Variants in GRIK4 observed in about 807,000 individuals in gnomAD.
The protein encoded by GRIK4 is glutamate receptor ionotropic, kainate 4.
Under a neutral mutation model 104.9 loss-of-function variants are expected in GRIK4, and 40 were observed. The ratio of observed to expected loss-of-function variants is 0.38; its 90% confidence interval spans 0.30 to 0.50. The LOEUF (loss-of-function observed/expected upper bound fraction) is 0.50. GRIK4 is among the 20% of genes least tolerant of loss of function. The pLI, the probability that GRIK4 is intolerant of heterozygous loss-of-function variation, is 0.93. For synonymous variants in GRIK4, 485 were observed against 524.9 expected, an observed-to-expected ratio of 0.92 and a Z score of 1.04; for missense variants, 1,047 against 1,308.1, an observed-to-expected ratio of 0.80 and a Z score of 3.08.
intron 1 of GRIK4, among the ~76,000 whole-genome samples, chr11:120,602,169 G>T (rs1033673662): frequency 6.6e-6 from 1 of 152,170 alleles, no homozygotes; most frequent in Non-Finnish European, 1.5e-5. Context: ...AGCCAGCTCC[G>T]TAGATTGCCC....
intron 1 of GRIK4, among the ~76,000 whole-genome samples, chr11:120,651,302 T>C (rs1402499986): frequency 1.3e-5 from 2 of 152,204 alleles, no homozygotes; most frequent in South Asian, 4.1e-4. Context: ...TCTGCAGTTT[T>C]ACAGTTGTGG....
intron 3 of GRIK4, among the ~76,000 whole-genome samples, chr11:120,703,669 A>G (rs1376628934): frequency 1.3e-5 from 2 of 152,108 alleles, no homozygotes; most frequent in African/African-American, 2.4e-5. Context: ...ACTCAGCCGT[A>G]TCTCCTGAGC....
chr11:120,515,993 C>T (rs1947720295), intron 1 of GRIK4, among the ~76,000 whole-genome samples: 1 of 152,184 alleles, frequency 6.6e-6, no homozygotes, highest in East Asian at 1.9e-4. Context: ...TGTCCCACAT[C>T]CCAGACTGGT....
chr11:120,679,967 G>A (rs1407019721), intron 3 of GRIK4, among the ~76,000 whole-genome samples: 1 of 152,186 alleles, frequency 6.6e-6, no homozygotes, highest in African/African-American at 2.4e-5. Flanking sequence ...GGCCTTTGCT[G>A]TCTCCACTGC....
At chr11:120,927,958 A>G (rs1943389368) in intron 13 of GRIK4, among the ~76,000 whole-genome samples, 1 of 152,152 alleles carries the variant, frequency 6.6e-6, no homozygotes, top group African/African-American at 2.4e-5. Context: ...CATGCCTGTA[A>G]TCCTAGCACT....
At chr11:120,972,248 G>A (rs894531959) in intron 19 of GRIK4, among the ~76,000 whole-genome samples, 1 of 152,186 alleles carries the variant, frequency 6.6e-6, no homozygotes, top group Admixed American at 6.5e-5. Flanking sequence ...GCCGTCAAAG[G>A]TTCTGGGGTG....
intron 3 of GRIK4, among the ~76,000 whole-genome samples, chr11:120,784,262 A>G (rs1045451829): frequency 6.6e-6 from 1 of 152,172 alleles, no homozygotes; most frequent in African/African-American, 2.4e-5. Context: ...CCTTCCCTGT[A>G]CTGGCTCCTT....
At chr11:120,875,348 C>A in intron 11 of GRIK4, 105 bp downstream of exon 11, 1 of 748,540 alleles carries the variant, frequency 1.3e-6, no homozygotes, top group Non-Finnish European at 2.4e-6. Flanking sequence ...TCCCCAACAG[C>A]AGCAGGCTGG....
At chr11:120,655,938 G>A (rs1395761761) in intron 2 of GRIK4, among the ~76,000 whole-genome samples, 3 of 152,128 alleles carry the variant, frequency 2.0e-5, no homozygotes, top group Admixed American at 6.5e-5. Flanking sequence ...CCAGGCAGAT[G>A]TGCGGTCATA....
intron 11 of GRIK4, among the ~76,000 whole-genome samples, chr11:120,889,217 G>A (rs1238472005): frequency 1.3e-5 from 2 of 152,150 alleles, no homozygotes; most frequent in African/African-American, 4.8e-5. Context: ...TGCAGTAAGC[G>A]TTTACTCCCT....
chr11:120,581,422 A>G (rs936936347), intron 1 of GRIK4, among the ~76,000 whole-genome samples: 5 of 152,248 alleles, frequency 3.3e-5, no homozygotes, highest in Non-Finnish European at 5.9e-5. Flanking sequence ...TAAAATACAC[A>G]TAACATAAAA....
chr11:120,980,061 C>G (rs1452060344), intron 19 of GRIK4, among the ~76,000 whole-genome samples: 2 of 152,176 alleles, frequency 1.3e-5, no homozygotes, highest in Non-Finnish European at 2.9e-5. Flanking sequence ...GTCTCGAACT[C>G]CTGACATCAA....
chr11:120,798,267 T>A (rs1490354455), intron 3 of GRIK4, among the ~76,000 whole-genome samples: 1 of 151,162 alleles, frequency 6.6e-6, no homozygotes, highest in Non-Finnish European at 1.5e-5. Flanking sequence ...CTTCTGGTTT[T>A]CCTGCCTTAG....
chr11:120,953,088 C>A lies in GRIK4; in HGVS notation c.1700+124C>A. ...GAGTTGGGAAGATCTTGGTGCCAAA[C>A]TAGAAGGACAGGAGAAGGACTGGGG... is the stretch of plus-strand genomic sequence containing the variant. On this transcript the variant is annotated intron_variant, in intron 15 of 20. Coordinates refer to ENST00000527524, the MANE Select transcript of GRIK4 (RefSeq NM_014619.5). This position sits in a 1 kb window ranked among gnomAD's most constrained non-coding sequence, Gnocchi z 4.9. The A allele has an allele frequency of 1.5e-6, 1 of 661,692 alleles. No homozygotes were observed. Among genetic ancestry groups the A allele is most frequent in the Non-Finnish European group, 2.7e-6 (1 of 375,222 alleles). 41.0% of individuals were successfully genotyped at this position (661,692 alleles called of 1,614,324 possible).
rs578192783 is a variant in GRIK4, at chr11:120,840,565, G to A, written c.744+3721G>A. On this transcript the variant is annotated intron_variant, in intron 8 of 20. Coordinates refer to ENST00000527524, the MANE Select transcript of GRIK4 (RefSeq NM_014619.5). ...AATTGACAGCACTTGGCCAGAGGTC[G>A]GGCACGCAGAGAGCAACTATGAGGA... Among the ~76,000 whole-genome samples the A allele has an allele frequency of 5.9e-5, 9 of 152,202 alleles. No homozygotes were observed. In the South Asian group the frequency reaches 6.2e-4, roughly 11 times the overall value.
At chr11:120,671,700 T>G (rs1481840443) in intron 3 of GRIK4, among the ~76,000 whole-genome samples, 1 of 152,232 alleles carries the variant, frequency 6.6e-6, no homozygotes, top group Non-Finnish European at 1.5e-5. Context: ...TGATGATAGT[T>G]TTTTTGCTGT....
chr11:120,688,115 G>T (rs1326384588), intron 3 of GRIK4, among the ~76,000 whole-genome samples: 1 of 152,074 alleles, frequency 6.6e-6, no homozygotes, highest in Non-Finnish European at 1.5e-5. Context: ...CTCTCATCCT[G>T]GGCCTAGAAA....
intron 8 of GRIK4, among the ~76,000 whole-genome samples, chr11:120,840,103 G>C (rs1483233499): frequency 1.3e-5 from 2 of 152,186 alleles, no homozygotes; most frequent in Admixed American, 1.3e-4. Flanking sequence ...CAAGTCCAGG[G>C]AAGGGCCAGG....
intron 8 of GRIK4, among the ~76,000 whole-genome samples, chr11:120,861,403 C>T (rs560947110): frequency 2.0e-3 from 306 of 152,150 alleles, no homozygotes; most frequent in Non-Finnish European, 3.2e-3. Context: ...CCACTGCACC[C>T]GGCCCTATCA....
Sources: gnomAD v4.1 joint callset for allele counts (sites outside exome capture counted in the v4.1 genomes callset) on GRCh38, gnomAD v4.1.1 for gene constraint, Gnocchi (gnomAD v3.1) non-coding constraint, MANE v1.5 for transcripts, NCBI Gene and HGNC (gene_info 2026-07-23, HGNC 2026-07-21) for gene names.